Variants in PI15 observed in about 807,000 individuals in gnomAD.
The protein encoded by PI15 is 25 kDa trypsin inhibitor.
Under a neutral mutation model 31.0 loss-of-function variants are expected in PI15, and 18 were observed. The ratio of observed to expected loss-of-function variants is 0.58; its 90% CI spans 0.40 to 0.86. The LOEUF is 0.86. Ranked by LOEUF, PI15 falls within the 40% of genes least tolerant of loss-of-function variation. The pLI, the probability that PI15 is intolerant of heterozygous loss-of-function variation, is 0.00. For synonymous variants in PI15, 118 were observed against 119.1 expected (o/e 0.99, Z 0.06); for missense variants, 282 against 328.1 (o/e 0.86, Z 1.09).
intron 2 of PI15, among the ~76,000 whole-genome samples, chr8:74,828,706 G>A (rs1810735370): frequency 6.6e-6 from 1 of 152,064 alleles, no homozygotes; most frequent in South Asian, 2.1e-4. Context: ...ATCACCAGCT[G>A]TGTGTTCAAC....
At position 74,850,377 on chromosome 8, in the gene PI15, A is replaced by C. The variant is rs1174160566; in HGVS notation, c.*1124A>C. The stretch of plus-strand genomic sequence containing the variant: ...GGTATGAAAAGTGTAATTGCGCCTA[A>C]CTACCAGATGGAGAGCTTCAGAATG... On this transcript the variant is annotated 3_prime_UTR_variant, in exon 6 of 6. Transcript: ENST00000260113. The C allele has an allele frequency of 6.6e-6, 1 of 152,186 alleles. No homozygotes were observed. Among genetic ancestry groups the C allele is most frequent in the African/African-American group, 2.4e-5 (1 of 41,444 alleles). The allele number at this position is 152,186 out of a possible 1,614,324, so 9.4% of individuals were successfully genotyped here. A position where few individuals can be genotyped will look rare whatever the true frequency, so the allele number is the denominator to read the frequency against.
At chr8:74,829,513 C>G (rs1002059990) in intron 2 of PI15, among the ~76,000 whole-genome samples, 1 of 152,050 alleles carries the variant, frequency 6.6e-6, no homozygotes, top group African/African-American at 2.4e-5. Context: ...AAGACCCACA[C>G]ATAGAGTAAA....
chr8:74,828,930 A>AT (rs1213610174), intron 2 of PI15, among the ~76,000 whole-genome samples: 1 of 152,114 alleles, frequency 6.6e-6, no homozygotes, highest in African/African-American at 2.4e-5. Flanking sequence ...TCTAATATCC[A>AT]TGACCACAGA....
Position 74,852,359 on chromosome 8 carries a change from T to C in PI15, c.*3106T>C, listed in dbSNP as rs1182504332. The C allele has an allele frequency of 6.6e-6, 1 of 152,138 alleles. No individual in the cohort carries two copies. Among genetic ancestry groups the C allele is most frequent in the Non-Finnish European group, 1.5e-5 (1 of 67,966 alleles). 9.4% of individuals were successfully genotyped at this position (152,138 alleles called of 1,614,324 possible). On this transcript the variant is annotated 3_prime_UTR_variant, in exon 6 of 6. Coordinates refer to ENST00000260113, the MANE Select transcript of PI15 (RefSeq NM_015886.5). ...AAACTGATGGATTTCATTATAGAAT[T>C]ATCTGTGAGTTGTGTAGACACAGTC... is the stretch of plus-strand genomic sequence containing the variant.
chr8:74,826,300 G>C (rs1020756788), intron 2 of PI15: 2 of 980,164 alleles, frequency 2.0e-6, no homozygotes, highest in Non-Finnish European at 2.4e-6. Flanking sequence ...TCTTACAAGA[G>C]CACAGCTTGG....
At position 74,854,058 on chromosome 8, in the gene PI15, T is replaced by C. The variant is rs1023259798; in HGVS notation, c.*4805T>C. 6.6e-6 allele frequency: 1 copy of C among 152,054 alleles called. No homozygotes were observed. Among genetic ancestry groups the C allele is most frequent in the East Asian group, 1.9e-4 (1 of 5,188 alleles). The allele number at this position is 152,054 out of a possible 1,614,324, so 9.4% of individuals were successfully genotyped here. A position where few individuals can be genotyped will look rare whatever the true frequency, so the allele number is the denominator to read the frequency against. ...ATTTCTCCACCTTTAATTATTGGCC[T>C]ATCATTTGTTAGTGTTATTTGGTCA... is the stretch of plus-strand genomic sequence containing the variant. On this transcript the variant is annotated 3_prime_UTR_variant, in exon 6 of 6. Coordinates refer to ENST00000260113, the MANE Select transcript of PI15 (RefSeq NM_015886.5).
chr8:74,844,032 A>C lies in PI15; in HGVS notation c.325A>C (p.Ile109Leu). Residue 109 changes from isoleucine to leucine, a missense_variant, in exon 3 of 6, where the codon ATT (isoleucine) becomes CTT (leucine). Ile to Leu is a conservative substitution (Grantham distance 5). Coordinates refer to ENST00000260113, the MANE Select transcript of PI15 (RefSeq NM_015886.5). The stretch of plus-strand genomic sequence containing the variant: ...GGCAGAGGCTTGGGCGGCTACTTGC[A>C]TTTGGGACCATGGACCTTCTTACTT... ...KSAEAWAATC[I>L]WDHGPSYLLR... 6.2e-7 allele frequency: 1 copy of C among 1,610,652 alleles called. No individual in the cohort carries two copies. The highest frequency in any genetic ancestry group is 8.5e-7 in the Non-Finnish European group (1 of 1,176,888).
chr8:74,840,144 T>C (rs1195533760), intron 2 of PI15, among the ~76,000 whole-genome samples: 1 of 152,194 alleles, frequency 6.6e-6, no homozygotes, highest in Non-Finnish European at 1.5e-5. Flanking sequence ...ATACATGTGA[T>C]AATTTAATAC....
intron 2 of PI15, among the ~76,000 whole-genome samples, chr8:74,829,056 C>A (rs1370537269): frequency 6.6e-6 from 1 of 151,900 alleles, no homozygotes; most frequent in Non-Finnish European, 1.5e-5. Context: ...TAATTTTGAG[C>A]TTTCTGGGTG....
intron 2 of PI15, among the ~76,000 whole-genome samples, chr8:74,838,924 G>A (rs1420665922): frequency 6.6e-6 from 1 of 152,100 alleles, no homozygotes; most frequent in South Asian, 2.1e-4. Context: ...CTATGTTGAG[G>A]ATCCCAAAAC....
chr8:74,830,549 T>C (rs1810766858), intron 2 of PI15, among the ~76,000 whole-genome samples: 1 of 152,094 alleles, frequency 6.6e-6, no homozygotes, highest in African/African-American at 2.4e-5. Context: ...TTGCCTAGGA[T>C]GATAATTTAT....
intron 2 of PI15, among the ~76,000 whole-genome samples, chr8:74,831,960 G>A (rs958559913): frequency 2.6e-5 from 4 of 152,046 alleles, no homozygotes; most frequent in African/African-American, 7.2e-5. Flanking sequence ...ACATTTGTTC[G>A]AATTTCATTT....
At chr8:74,834,882 A>G (rs982748716) in intron 2 of PI15, among the ~76,000 whole-genome samples, 3 of 151,992 alleles carry the variant, frequency 2.0e-5, no homozygotes, top group East Asian at 3.9e-4. Context: ...GATGATTCAC[A>G]TTCTCCTGAT....
At chr8:74,847,112 C>T (rs976650281) in intron 5 of PI15, among the ~76,000 whole-genome samples, 1 of 152,000 alleles carries the variant, frequency 6.6e-6, no homozygotes, top group Non-Finnish European at 1.5e-5. Flanking sequence ...ATTAAGATAG[C>T]ATTAGCTTGG....
At chr8:74,837,488 G>A (rs1312036944) in intron 2 of PI15, among the ~76,000 whole-genome samples, 1 of 152,004 alleles carries the variant, frequency 6.6e-6, no homozygotes, top group African/African-American at 2.4e-5. Context: ...TATCTAATAA[G>A]GATAAATCCG....
intron 2 of PI15, among the ~76,000 whole-genome samples, chr8:74,825,919 A>G (rs1810692670): frequency 6.6e-6 from 1 of 152,140 alleles, no homozygotes. Context: ...TTTATCAGCT[A>G]TATCATTTCT....
intron 2 of PI15, chr8:74,826,188 A>T: frequency 1.1e-5 from 3 of 271,112 alleles, no homozygotes; most frequent in Non-Finnish European, 1.7e-5. Flanking sequence ...AAATCATTTT[A>T]CTTAGAAAGT....
At chr8:74,836,474 A>C (rs1471961386) in intron 2 of PI15, among the ~76,000 whole-genome samples, 1 of 152,186 alleles carries the variant, frequency 6.6e-6, no homozygotes, top group Non-Finnish European at 1.5e-5. Flanking sequence ...ATTTGGAACA[A>C]TACCATCAGC....
In PI15 at chr8:74,854,342, C is replaced by A. The variant is rs994700130; in HGVS notation, c.*5089C>A. 4.0e-5 allele frequency: 6 copies of A among 151,896 alleles called. No homozygotes were observed. The highest frequency in any genetic ancestry group is 1.4e-4 in the African/African-American group (6 of 41,398). The allele number at this position is 151,896 out of a possible 1,614,324, so 9.4% of individuals were successfully genotyped here. ...CAAACTTATTTTAAAGCAGTAGAACCTTTTCTATGAACTAAATCACATGCA... is the reference window on the plus strand; with the variant it reads ...CAAACTTATTTTAAAGCAGTAGAACATTTTCTATGAACTAAATCACATGCA... On this transcript the variant is annotated 3_prime_UTR_variant, in exon 6 of 6. Coordinates refer to ENST00000260113, the MANE Select transcript of PI15 (RefSeq NM_015886.5).
Sources: allele counts gnomAD v4.1 joint callset (sites outside exome capture counted in the v4.1 genomes callset), GRCh38; gene constraint gnomAD v4.1.1; transcripts MANE v1.5; gene names NCBI Gene and HGNC (gene_info 2026-07-23, HGNC 2026-07-21).